The following MAOB variants were observed in gnomAD, a reference collection of about 807,000 sequenced individuals.
The protein encoded by MAOB is amine oxidase [flavin-containing] B.
Under a neutral mutation model 41.9 loss-of-function variants are expected in MAOB, and 15 were observed. The observed-to-expected ratio is 0.36, with a 90% CI of 0.24 to 0.55. MAOB has a LOEUF of 0.55. MAOB is among the 20% of genes least tolerant of loss of function. The probability of loss-of-function intolerance (pLI) is 0.86; values close to 1 mark genes in which losing one functional copy is unlikely to be tolerated. For missense variants in MAOB, 345 were observed against 398.7 expected (o/e 0.87, Z 1.15); for synonymous variants, 167 against 144.2 (o/e 1.16, Z -1.13).
At chrX:43,788,042 A>G (rs768149563) in intron 8 of MAOB, among the ~76,000 whole-genome samples, 1 of 111,446 alleles carries the variant, frequency 9.0e-6, no homozygotes, top group Non-Finnish European at 1.9e-5. Flanking sequence ...TACTTGGCTC[A>G]TGGTTCTACA....
intron 1 of MAOB, among the ~76,000 whole-genome samples, chrX:43,858,544 C>T (rs183283362): frequency 1.7e-3 from 183 of 110,496 alleles, no homozygotes; most frequent in African/African-American, 5.3e-3. Flanking sequence ...CCTCATCCCC[C>T]AAAATCAGTT....
At chrX:43,820,321 A>G (rs1172494530) in intron 3 of MAOB, among the ~76,000 whole-genome samples, 1 of 112,292 alleles carries the variant, frequency 8.9e-6, no homozygotes, top group Non-Finnish European at 1.9e-5. Context: ...TAATAAATCT[A>G]TTGTGGTTTT....
chrX:43,854,448 T>C (rs780859852), intron 1 of MAOB, among the ~76,000 whole-genome samples: 2 of 110,885 alleles, frequency 1.8e-5, no homozygotes, highest in Admixed American at 9.6e-5. Flanking sequence ...TATTCATAAG[T>C]GGGAGTTGAA....
chrX:43,821,655 T>C (rs920006737), intron 3 of MAOB, among the ~76,000 whole-genome samples: 5 of 111,659 alleles, frequency 4.5e-5, no homozygotes. Flanking sequence ...AAACAAGTTC[T>C]TCCTTAAATG....
At chrX:43,805,929 A>C (rs1332516673) in intron 3 of MAOB, among the ~76,000 whole-genome samples, 1 of 112,369 alleles carries the variant, frequency 8.9e-6, no homozygotes, top group Non-Finnish European at 1.9e-5. Flanking sequence ...ACACTTGCTG[A>C]CTTTTCTTTT....
chrX:43,882,417 C>T lies in MAOB; in HGVS notation c.-118G>A, dbSNP rs1414743425. ...GCCCGCCGGCCTGCTGCGCGCTGCC[C>T]CCGTGCACCAGCGCCTCGGCGAGCC... On this transcript the variant is annotated 5_prime_UTR_variant, in exon 1 of 15. Transcript: ENST00000378069. 9 of 1,053,361 alleles carry T rather than the reference C, an allele frequency of 8.5e-6. No individual in the cohort carries two copies. Among genetic ancestry groups the T allele is most frequent in the South Asian group, 2.7e-5 (1 of 36,950 alleles). 86.8% of individuals were successfully genotyped at this position (1,053,361 alleles called of 1,213,427 possible). A position where few individuals can be genotyped will look rare whatever the true frequency, so the allele number is the denominator to read the frequency against.
At chrX:43,780,757 C>T (rs1267830486) in intron 9 of MAOB, among the ~76,000 whole-genome samples, 1 of 111,777 alleles carries the variant, frequency 8.9e-6, no homozygotes, top group Non-Finnish European at 1.9e-5. Context: ...TTCATCCAGT[C>T]CTTGCTCTTT....
intron 12 of MAOB, among the ~76,000 whole-genome samples, chrX:43,774,886 T>C (rs1311495244): frequency 9.0e-6 from 1 of 111,578 alleles, no homozygotes; most frequent in East Asian, 2.8e-4. Flanking sequence ...GTAATAATCA[T>C]ATCATGAAGA....
chrX:43,844,078 G>T, intron 1 of MAOB: 1 of 288,922 alleles, frequency 3.5e-6, no homozygotes, highest in Non-Finnish European at 5.0e-6. Context: ...ATGCTCAAGA[G>T]AAATATATGA....
chrX:43,791,574 G>A (rs1445004398), intron 8 of MAOB, among the ~76,000 whole-genome samples: 2 of 111,045 alleles, frequency 1.8e-5, no homozygotes, highest in South Asian at 3.8e-4. Context: ...TGGCTAACAC[G>A]GTGAAACCCC....
At chrX:43,793,988 T>C (rs1421544765) in intron 7 of MAOB, among the ~76,000 whole-genome samples, 3 of 112,071 alleles carry the variant, frequency 2.7e-5, no homozygotes, top group Non-Finnish European at 5.6e-5. Flanking sequence ...GCGATTCTCC[T>C]GCCTCAGCCT....
chrX:43,822,302 A>T (rs1389357909), intron 3 of MAOB, among the ~76,000 whole-genome samples: 1 of 112,513 alleles, frequency 8.9e-6, no homozygotes, highest in Non-Finnish European at 1.9e-5. Flanking sequence ...CTTTAAAATA[A>T]ATCAAAGGAG....
At chrX:43,852,356 C>G (rs188731963) in intron 1 of MAOB, among the ~76,000 whole-genome samples, 1 of 111,965 alleles carries the variant, frequency 8.9e-6, no homozygotes, top group East Asian at 2.8e-4. Flanking sequence ...TAAGGAAATG[C>G]TGATTTAAAC....
At chrX:43,799,944 G>A (rs2034572030) in intron 5 of MAOB, among the ~76,000 whole-genome samples, 1 of 111,373 alleles carries the variant, frequency 9.0e-6, no homozygotes, top group South Asian at 3.7e-4. Flanking sequence ...TTTGTGAAGT[G>A]CACTTTGTAA....
At chrX:43,824,743 A>C (rs1569223078) in intron 3 of MAOB, among the ~76,000 whole-genome samples, 1 of 112,985 alleles carries the variant, frequency 8.9e-6, no homozygotes, top group East Asian at 2.8e-4. Context: ...AAAGCAGAGT[A>C]ACAGCTGGGG....
At chrX:43,813,361 C>G (rs937647266) in intron 3 of MAOB, among the ~76,000 whole-genome samples, 1 of 112,354 alleles carries the variant, frequency 8.9e-6, no homozygotes, top group Non-Finnish European at 1.9e-5. Context: ...CAAGGTCACA[C>G]AGTTTGCATA....
In MAOB at chrX:43,800,157, A is replaced by T. The variant is rs2034574518; in HGVS notation, c.476+2015T>A. 2.7e-5 allele frequency among the ~76,000 whole-genome samples: 3 copies of T among 111,136 alleles called. No individual in the cohort carries two copies. The Admixed American group carries it at 2.9e-4, about 11-fold the overall frequency. On this transcript the variant is annotated intron_variant, in intron 5 of 14. Coordinates refer to ENST00000378069, the MANE Select transcript of MAOB (RefSeq NM_000898.5). ...ATCTCAGAATGCTTTATTTTGTCAA[A>T]TGACAACTTAGAATATTCACTAAGT... is the stretch of plus-strand genomic sequence containing the variant.
Position 43,812,985 on chromosome X carries a change from C to T in MAOB, c.280-9581G>A, listed in dbSNP as rs151261007. 4.2e-3 allele frequency among the ~76,000 whole-genome samples: 466 copies of T among 112,111 alleles called. 4 individuals carry two copies. The highest frequency in any genetic ancestry group is 0.014 in the African/African-American group (445 of 30,868). ...GTATTGAGTGCTTACTCTCTTCAGG[C>T]CCTGTTCTGTGCACTTCATATGTAT... On this transcript the variant is annotated intron_variant, in intron 3 of 14. Coordinates refer to ENST00000378069, the MANE Select transcript of MAOB (RefSeq NM_000898.5).
chrX:43,876,495 G>C (rs1172749093), intron 1 of MAOB, among the ~76,000 whole-genome samples: 1 of 111,082 alleles, frequency 9.0e-6, no homozygotes, highest in African/African-American at 3.3e-5. Context: ...ATCTGTAATT[G>C]AACTCCACAA....
Sources: gnomAD v4.1 joint callset for allele counts (sites outside exome capture counted in the v4.1 genomes callset) on GRCh38, gnomAD v4.1.1 for gene constraint, MANE v1.5 for transcripts, NCBI Gene and HGNC (gene_info 2026-07-23, HGNC 2026-07-21) for gene names.